GBP7: variants seen among roughly 807,000 people sequenced by gnomAD.
GBP7 encodes guanylate-binding protein 7.
GBP7 carries 43 observed loss-of-function variants against 61.3 expected under a neutral mutation model. The ratio of observed to expected loss-of-function variants is 0.70; its 90% CI spans 0.55 to 0.91. GBP7 has a LOEUF of 0.91. GBP7 is among the 40% of genes least tolerant of loss of function. The pLI, the probability that GBP7 is intolerant of heterozygous loss-of-function variation, is 0.00. For missense variants in GBP7, 717 were observed against 740.5 expected (o/e 0.97, Z 0.37); for synonymous variants, 267 against 271.0 (o/e 0.99, Z 0.14).
intron 9 of GBP7, among the ~76,000 whole-genome samples, chr1:89,140,558 G>A (rs375111099): frequency 2.6e-5 from 4 of 152,000 alleles, no homozygotes; most frequent in African/African-American, 9.7e-5. Context: ...ACAGATGCTG[G>A]CAAGGTTGCC....
Position 89,152,261 on chromosome 1 carries a change from C to CT in GBP7, c.625+6dup. ...AACCTTCTCCCATCTAGGCCATGCT[C>CT]TGATACCTGAAATCAGCTTCAAGGC... On this transcript the variant is annotated splice_region_variant and intron_variant, in intron 5 of 10. Coordinates refer to ENST00000294671, the MANE Select transcript of GBP7 (RefSeq NM_207398.3). The CT allele has an allele frequency of 1.2e-6, 2 of 1,613,082 alleles. No individual in the cohort carries two copies. The highest frequency in any genetic ancestry group is 1.7e-6 in the Non-Finnish European group (2 of 1,179,246).
intron 3 of GBP7, among the ~76,000 whole-genome samples, chr1:89,161,658 G>C (rs556741155): frequency 2.0e-5 from 3 of 151,934 alleles, no homozygotes; most frequent in Non-Finnish European, 4.4e-5. Flanking sequence ...GTTCCTTATA[G>C]ATGCTGGATA....
intron 9 of GBP7, 116 bp from the exon 10 acceptor site, chr1:89,133,567 A>T: frequency 1.3e-6 from 1 of 773,784 alleles, no homozygotes; most frequent in Non-Finnish European, 2.1e-6. Flanking sequence ...CCAGACCGTA[A>T]AGAAGACTGA....
chr1:89,155,957 G>C (rs1570354898), intron 3 of GBP7, among the ~76,000 whole-genome samples: 1 of 152,318 alleles, frequency 6.6e-6, no homozygotes, highest in East Asian at 1.9e-4. Context: ...CAGCCAGAGA[G>C]AAAGGTCAGG....
intron 2 of GBP7, among the ~76,000 whole-genome samples, chr1:89,171,522 A>G (rs1230151677): frequency 2.0e-5 from 3 of 151,886 alleles, no homozygotes; most frequent in Admixed American, 2.0e-4. Flanking sequence ...TAATTTTTTT[A>G]TTAATACCTT....
intron 6 of GBP7, 110 bp downstream of exon 6, chr1:89,150,220 A>G (rs961291645): frequency 6.6e-5 from 68 of 1,028,400 alleles, no homozygotes; most frequent in Non-Finnish European, 7.8e-5. Flanking sequence ...CCCACACCTC[A>G]TAACACAGAT....
At chr1:89,141,270 A>G (rs1681940788) in intron 9 of GBP7, among the ~76,000 whole-genome samples, 1 of 152,102 alleles carries the variant, frequency 6.6e-6, no homozygotes, top group Admixed American at 6.5e-5. Flanking sequence ...TTCAGAGGCC[A>G]AAATGACTTT....
intron 2 of GBP7, 125 bp from the exon 3 acceptor site, chr1:89,164,983 A>G: frequency 3.5e-6 from 3 of 850,980 alleles, no homozygotes; most frequent in South Asian, 1.8e-5. Context: ...CCATTTCAGC[A>G]AAGACAATCA....
intron 3 of GBP7, among the ~76,000 whole-genome samples, chr1:89,159,461 A>G (rs1682386107): frequency 6.6e-6 from 1 of 152,248 alleles, no homozygotes; most frequent in South Asian, 2.1e-4. Context: ...CAATTTACCC[A>G]TCTGACAAAG....
chr1:89,146,391 C>T (rs1215079744), intron 8 of GBP7, among the ~76,000 whole-genome samples: 1 of 151,978 alleles, frequency 6.6e-6, no homozygotes, highest in Non-Finnish European at 1.5e-5. Flanking sequence ...GAATTTCACA[C>T]CAAGAGCACA....
chr1:89,144,486 T>A (rs1195026127), intron 8 of GBP7, among the ~76,000 whole-genome samples: 2 of 152,198 alleles, frequency 1.3e-5, no homozygotes, highest in African/African-American at 4.8e-5. Context: ...AATTTACAAT[T>A]TGCAATCCCA....
rs142685170 is a variant in GBP7 at position 89,157,511 on chromosome 1, CGATATAG to C, written c.319-4741_319-4735del. Among the ~76,000 whole-genome samples the C allele has an allele frequency of 9.4e-3, 1,431 of 151,924 alleles. 22 individuals are homozygous for C. The highest frequency in any genetic ancestry group is 0.033 in the African/African-American group (1,366 of 41,470). ...AGAATCAAATAGATGCAATAAAAAA[CGATATAG>C]GGCATATCACCGCCGATCCCACAGA... is the stretch of plus-strand genomic sequence containing the variant. On this transcript the variant is annotated intron_variant, in intron 3 of 10. Coordinates refer to ENST00000294671, the MANE Select transcript of GBP7 (RefSeq NM_207398.3).
intron 3 of GBP7, among the ~76,000 whole-genome samples, chr1:89,159,513 A>C (rs1261835375): frequency 6.6e-6 from 1 of 152,188 alleles, no homozygotes; most frequent in African/African-American, 2.4e-5. Context: ...ACAAAGTTAC[A>C]AGAAAAAAAT....
At position 89,149,470 on chromosome 1, in the gene GBP7, G is replaced by A; in HGVS notation, c.974C>T (p.Ala325Val). 1.2e-6 allele frequency: 2 copies of A among 1,614,144 alleles called. No individual in the cohort carries two copies. Among genetic ancestry groups the A allele is most frequent in the Middle Eastern group, 1.7e-4 (1 of 6,060 alleles). Reference protein sequence around the residue: ...MAVLAQCENSAAVQRAANHYS... With the variant: ...MAVLAQCENSVAVQRAANHYS... Reference sequence around the variant, plus strand: ...GTGGTTGGCTGCCCTCTGCACGGCTGCTGAGTTCTCACACTGGGCCAGAAC... The same window carrying A: ...GTGGTTGGCTGCCCTCTGCACGGCTACTGAGTTCTCACACTGGGCCAGAAC... The change falls in exon 7 of 11, where the codon GCA (alanine) becomes GTA (valine). Residue 325 changes from alanine (A) to valine (V), a missense_variant. By Grantham distance (64) the Ala-to-Val change is moderately conservative (BLOSUM62 0). This residue lies in a region of GBP7 where 387 missense variants were observed against 385.2 expected (regional missense o/e 1.00). Coordinates refer to ENST00000294671, the MANE Select transcript of GBP7 (RefSeq NM_207398.3).
intron 3 of GBP7, among the ~76,000 whole-genome samples, chr1:89,159,401 AAGT>A (rs1682384445): frequency 6.6e-6 from 1 of 152,246 alleles, no homozygotes. Context: ...CAGCAAAAGA[AAGT>A]ACCATCAGAG....
chr1:89,138,296 TAG>T (rs1681854336), intron 9 of GBP7, among the ~76,000 whole-genome samples: 2 of 151,938 alleles, frequency 1.3e-5, no homozygotes, highest in Admixed American at 6.6e-5. Flanking sequence ...AAAATAGAAT[TAG>T]TAAAAACTAT....
In GBP7 at chr1:89,150,397, G is replaced by T. The variant is rs1286100344; in HGVS notation, c.804C>A (p.Phe268Leu). The T allele has an allele frequency of 3.1e-6, 5 of 1,613,792 alleles. No homozygotes were observed. Among genetic ancestry groups the T allele is most frequent in the African/African-American group, 1.3e-5 (1 of 74,912 alleles). The change falls in exon 6 of 11, where the codon TTC becomes TTA. Residue 268 changes from phenylalanine to leucine, a missense_variant. Phe to Leu is a conservative substitution (Grantham distance 22, BLOSUM62 0). Around this residue, in one of 3 missense-constraint regions of GBP7, gnomAD observed 387 missense variants for 385.2 expected, o/e 1.00. Coordinates refer to ENST00000294671, the MANE Select transcript of GBP7 (RefSeq NM_207398.3). ...TTGCATGGGTGAAGATATAAGAACA[G>T]AAATTTTCTGATTGCATCTGGAAAT... ...DSNFQMQSEN[F>L]CSYIFTHAKT...
intron 2 of GBP7, among the ~76,000 whole-genome samples, chr1:89,170,846 A>G (rs368816165): frequency 7.9e-5 from 12 of 152,194 alleles, no homozygotes; most frequent in African/African-American, 2.9e-4. Context: ...CCTAACCACA[A>G]TCTTGCAAGT....
At chr1:89,144,536 C>G (rs1455775136) in intron 8 of GBP7, among the ~76,000 whole-genome samples, 1 of 152,146 alleles carries the variant, frequency 6.6e-6, no homozygotes. Flanking sequence ...TACAACCTCA[C>G]CAGTATGTGC....
Sources: allele counts gnomAD v4.1 joint callset (sites outside exome capture counted in the v4.1 genomes callset), GRCh38; gene constraint gnomAD v4.1.1; regional missense constraint gnomAD v4.1.1; transcripts MANE v1.5; gene names NCBI Gene and HGNC (gene_info 2026-07-23, HGNC 2026-07-21).